Variants in TSPAN5 observed in about 807,000 individuals in gnomAD.
TSPAN5 encodes the protein tetraspanin 5.
TSPAN5 carries 10 observed loss-of-function variants against 37.1 expected under a neutral mutation model. That is an observed-to-expected ratio of 0.27 (90% CI 0.17 to 0.46). The LOEUF (loss-of-function observed/expected upper bound fraction) is 0.46. TSPAN5 is among the 20% of genes least tolerant of loss of function. The probability of loss-of-function intolerance (pLI) is 1.00; values close to 1 mark genes in which losing one functional copy is unlikely to be tolerated. For missense variants in TSPAN5, 195 were observed against 326.6 expected (o/e 0.60, Z 3.11); for synonymous variants, 110 against 118.9 (o/e 0.93, Z 0.48).
intron 1 of TSPAN5, among the ~76,000 whole-genome samples, chr4:98,580,621 G>A (rs1472253989): frequency 6.6e-6 from 1 of 152,132 alleles, no homozygotes; most frequent in Non-Finnish European, 1.5e-5. Flanking sequence ...GAGGAACAGG[G>A]GAGAACAAAC....
intron 5 of TSPAN5, among the ~76,000 whole-genome samples, chr4:98,476,890 G>A (rs1016480083): frequency 6.6e-6 from 1 of 152,192 alleles, no homozygotes; most frequent in Non-Finnish European, 1.5e-5. Context: ...TACTTAAATT[G>A]TTTTTCAATG....
intron 1 of TSPAN5, among the ~76,000 whole-genome samples, chr4:98,532,482 C>T (rs1366138165): frequency 2.0e-5 from 3 of 152,118 alleles, no homozygotes; most frequent in Non-Finnish European, 2.9e-5. Flanking sequence ...CATGATTTGG[C>T]TCTCTGTTTG....
intron 1 of TSPAN5, among the ~76,000 whole-genome samples, chr4:98,551,810 G>C (rs557975861): frequency 6.6e-6 from 1 of 151,800 alleles, no homozygotes; most frequent in Non-Finnish European, 1.5e-5. Flanking sequence ...TCCTTTGTAT[G>C]TTTGAAAGAA....
chr4:98,579,337 C>A (rs1031507697), intron 1 of TSPAN5, among the ~76,000 whole-genome samples: 5 of 152,200 alleles, frequency 3.3e-5, no homozygotes, highest in Non-Finnish European at 7.3e-5. Context: ...TGCCCAAGTG[C>A]AGCATTTTAC....
chr4:98,498,149 C>T (rs1198112152), intron 2 of TSPAN5, among the ~76,000 whole-genome samples: 1 of 152,128 alleles, frequency 6.6e-6, no homozygotes, highest in East Asian at 1.9e-4. Context: ...CACTGGGCTA[C>T]CTGGACTACT....
intron 1 of TSPAN5, among the ~76,000 whole-genome samples, chr4:98,647,143 T>A (rs1393702826): frequency 1.3e-5 from 2 of 152,134 alleles, no homozygotes; most frequent in Non-Finnish European, 2.9e-5. Flanking sequence ...TTAGGATGAA[T>A]CTTTCAATAC....
At chr4:98,499,422 C>G (rs563407325) in intron 2 of TSPAN5, among the ~76,000 whole-genome samples, 2 of 152,290 alleles carry the variant, frequency 1.3e-5, no homozygotes, top group South Asian at 4.1e-4. Flanking sequence ...ATCTGTGCCT[C>G]AAAGTGAGAG....
At chr4:98,512,890 A>C (rs906844408) in intron 1 of TSPAN5, among the ~76,000 whole-genome samples, 1 of 152,246 alleles carries the variant, frequency 6.6e-6, no homozygotes, top group African/African-American at 2.4e-5. Context: ...AGTAAGAGAG[A>C]GAGAGAGTCC....
At chr4:98,640,862 A>G (rs1179334051) in intron 1 of TSPAN5, among the ~76,000 whole-genome samples, 5 of 152,190 alleles carry the variant, frequency 3.3e-5, no homozygotes, top group Non-Finnish European at 7.3e-5. Context: ...TCCCTCAATT[A>G]TCACGTCAGC....
At chr4:98,472,652 T>C in intron 7 of TSPAN5, 65 bp from the exon 8 acceptor site, 1 of 1,372,356 alleles carries the variant, frequency 7.3e-7, no homozygotes, top group Non-Finnish European at 1.0e-6. Flanking sequence ...GGCCACTGTG[T>C]CCCATTTTTT....
chr4:98,571,801 G>A (rs1755127600), intron 1 of TSPAN5, among the ~76,000 whole-genome samples: 1 of 152,134 alleles, frequency 6.6e-6, no homozygotes, highest in Non-Finnish European at 1.5e-5. Flanking sequence ...ATTTCCTTTG[G>A]TGAATTAGTT....
intron 1 of TSPAN5, among the ~76,000 whole-genome samples, chr4:98,611,007 G>A (rs1756174513): frequency 6.6e-6 from 1 of 152,124 alleles, no homozygotes; most frequent in African/African-American, 2.4e-5. Flanking sequence ...GTCCAACTTT[G>A]AGGTCACCCT....
chr4:98,554,080 T>TA (rs71600252), intron 1 of TSPAN5, among the ~76,000 whole-genome samples: 23 of 134,904 alleles, frequency 1.7e-4, no homozygotes, highest in Admixed American at 1.4e-3. Context: ...AAAAAATAAA[T>TA]TAAAAAAAAA....
At chr4:98,627,205 A>G (rs1756627258) in intron 1 of TSPAN5, among the ~76,000 whole-genome samples, 1 of 152,144 alleles carries the variant, frequency 6.6e-6, no homozygotes, top group African/African-American at 2.4e-5. Flanking sequence ...TGAAAGATGA[A>G]GGAAGAATGA....
At chr4:98,550,573 G>A (rs1272405366) in intron 1 of TSPAN5, among the ~76,000 whole-genome samples, 1 of 145,680 alleles carries the variant, frequency 6.9e-6, no homozygotes, top group Non-Finnish European at 1.5e-5. Context: ...GTGTTTTGTA[G>A]TTCACCTCCT....
At chr4:98,602,733 A>G (rs1362151202) in intron 1 of TSPAN5, among the ~76,000 whole-genome samples, 3 of 152,234 alleles carry the variant, frequency 2.0e-5, no homozygotes, top group Non-Finnish European at 4.4e-5. Flanking sequence ...TAGGAAAGCA[A>G]GCTGATTAAA....
chr4:98,612,836 G>T (rs1756231812), intron 1 of TSPAN5, among the ~76,000 whole-genome samples: 1 of 152,112 alleles, frequency 6.6e-6, no homozygotes, highest in African/African-American at 2.4e-5. Flanking sequence ...CCCCCACAGG[G>T]CTAACCTCTC....
chr4:98,482,900 A>C (rs1352441300), intron 3 of TSPAN5: 2 of 152,084 alleles, frequency 1.3e-5, no homozygotes, highest in Non-Finnish European at 2.9e-5. Context: ...CCAAGGGGAG[A>C]CTTCCGCTTA....
At chr4:98,578,354 A>G (rs1183272299) in intron 1 of TSPAN5, among the ~76,000 whole-genome samples, 2 of 152,206 alleles carry the variant, frequency 1.3e-5, no homozygotes, top group African/African-American at 2.4e-5. Context: ...TTCACAGATG[A>G]ATTCCTCTTA....
Sources: allele counts gnomAD v4.1 joint callset (sites outside exome capture counted in the v4.1 genomes callset), GRCh38; gene constraint gnomAD v4.1.1; transcripts MANE v1.5; gene names NCBI Gene and HGNC (gene_info 2026-07-23, HGNC 2026-07-21).